The following DPYD variants were observed in gnomAD, a reference collection of about 807,000 sequenced individuals.
DPYD encodes dihydropyrimidine dehydrogenase [NADP(+)].
A neutral mutation model predicts 116.2 loss-of-function variants in DPYD; 109 were observed. That is an observed-to-expected ratio of 0.94 (90% CI 0.80 to 1.10). DPYD has a LOEUF of 1.10. Ranked by LOEUF, DPYD falls within the 50% of genes least tolerant of loss-of-function variation. The pLI is 0.00. For synonymous variants in DPYD, 440 were observed against 432.0 expected, an observed-to-expected ratio of 1.02 and a Z score of -0.23; for missense variants, 1,302 against 1,254.5, an observed-to-expected ratio of 1.04 and a Z score of -0.57.
chr1:97,432,054 G>A (rs553970646), intron 14 of DPYD, among the ~76,000 whole-genome samples: 113 of 152,078 alleles, frequency 7.4e-4, no homozygotes, highest in African/African-American at 1.6e-3. Context: ...TTCTTTCTAC[G>A]GCTGAAAAAT....
intron 6 of DPYD, among the ~76,000 whole-genome samples, chr1:97,696,681 C>A (rs985585054): frequency 1.3e-5 from 2 of 151,984 alleles, no homozygotes; most frequent in Admixed American, 6.6e-5. Context: ...TGAAAAAAAT[C>A]TTTCTTCTAT....
chr1:97,584,103 A>G (rs1179485292), intron 10 of DPYD, among the ~76,000 whole-genome samples: 1 of 152,188 alleles, frequency 6.6e-6, no homozygotes, highest in Non-Finnish European at 1.5e-5. Context: ...AATGATCGCC[A>G]TTCTAACTGG....
chr1:97,740,315 G>C (rs962470161), intron 4 of DPYD, 77 bp downstream of exon 4: 4 of 1,239,150 alleles, frequency 3.2e-6, no homozygotes, highest in South Asian at 1.2e-5. Context: ...AAGACAAGCT[G>C]TATTCTGTAC....
chr1:97,782,183 T>G (rs1010785070), intron 3 of DPYD, among the ~76,000 whole-genome samples: 2 of 152,220 alleles, frequency 1.3e-5, no homozygotes, highest in Non-Finnish European at 2.9e-5. Flanking sequence ...AATAGATACA[T>G]GATTAAACCA....
chr1:97,291,695 G>C (rs964708009), intron 18 of DPYD, among the ~76,000 whole-genome samples: 1 of 151,878 alleles, frequency 6.6e-6, no homozygotes, highest in African/African-American at 2.4e-5. Context: ...TGTGGGGTGG[G>C]GGGAGTGGGG....
chr1:97,308,635 T>C (rs556559647), intron 16 of DPYD, among the ~76,000 whole-genome samples: 24 of 151,980 alleles, frequency 1.6e-4, no homozygotes, highest in Admixed American at 3.9e-4. Context: ...TAACTATTTA[T>C]ATTTTCCTGG....
At chr1:97,116,430 C>T (rs1041414581) in intron 20 of DPYD, among the ~76,000 whole-genome samples, 11 of 152,036 alleles carry the variant, frequency 7.2e-5, no homozygotes, top group South Asian at 2.1e-4. Flanking sequence ...CCCAGAACTT[C>T]GGGGGGCCAA....
chr1:97,267,189 C>T (rs900186731), intron 18 of DPYD, among the ~76,000 whole-genome samples: 1 of 152,176 alleles, frequency 6.6e-6, no homozygotes, highest in Admixed American at 6.5e-5. Context: ...TCTCCAGCAT[C>T]TGTTGTTTCC....
rs556943016 is a variant in DPYD at position 97,390,232 on chromosome 1, A to C, written c.1906-7771T>G. On this transcript the variant is annotated intron_variant, in intron 14 of 22. Transcript: ENST00000370192. ...CAACAATTCAGCTTCAAGACAATCT[A>C]AATTTTTTAGTAGGGAAAAACTGCA... 3.9e-5 allele frequency among the ~76,000 whole-genome samples: 6 copies of C among 152,168 alleles called. No individual in the cohort carries two copies. The South Asian group carries it at 1.2e-3, about 32-fold the overall frequency.
chr1:97,428,779 CT>C (rs11382165), intron 14 of DPYD, among the ~76,000 whole-genome samples: 4 of 149,610 alleles, frequency 2.7e-5, no homozygotes, highest in South Asian at 2.1e-4. Context: ...CTTAAGTTTT[CT>C]TTTTTTTTTG....
chr1:97,700,679 C>T lies in DPYD; in HGVS notation c.484-1132G>A, dbSNP rs995319456. 2.6e-5 allele frequency among the ~76,000 whole-genome samples: 4 copies of T among 151,482 alleles called. No homozygotes were observed. The Admixed American group carries it at 2.6e-4, about 10-fold the overall frequency. ...GGGTTTTTATTTTTAAAAGTCCAAG[C>T]CTGCAAGAAAAATAAACCTAAAAAA... On this transcript the variant is annotated intron_variant, in intron 5 of 22. Transcript: ENST00000370192.
chr1:97,736,152 C>G (rs527893424), intron 4 of DPYD, among the ~76,000 whole-genome samples: 11 of 151,806 alleles, frequency 7.2e-5, no homozygotes, highest in Non-Finnish European at 1.2e-4. Flanking sequence ...TGTTTAACAT[C>G]AAAAACTAAA....
At chr1:97,133,247 A>G (rs1653471506) in intron 20 of DPYD, among the ~76,000 whole-genome samples, 1 of 152,236 alleles carries the variant, frequency 6.6e-6, no homozygotes, top group South Asian at 2.1e-4. Flanking sequence ...TATATTACAT[A>G]CATAAATTTT....
At chr1:97,365,548 T>A (rs1670986684) in intron 16 of DPYD, among the ~76,000 whole-genome samples, 1 of 152,206 alleles carries the variant, frequency 6.6e-6, no homozygotes, top group Non-Finnish European at 1.5e-5. Context: ...TATTTGAGGG[T>A]GATTTTTAAA....
chr1:97,299,527 T>C (rs1239046688), intron 18 of DPYD, among the ~76,000 whole-genome samples: 6 of 152,132 alleles, frequency 3.9e-5, no homozygotes, highest in East Asian at 1.9e-4. Flanking sequence ...TGCAGGACAA[T>C]AGTTATCTTA....
intron 8 of DPYD, among the ~76,000 whole-genome samples, chr1:97,653,051 A>T (rs1162311513): frequency 2.0e-5 from 3 of 152,098 alleles, no homozygotes. Context: ...TCCAGATTAA[A>T]GACTCAACCC....
intron 16 of DPYD, among the ~76,000 whole-genome samples, chr1:97,345,078 A>G (rs1376342009): frequency 6.6e-6 from 1 of 151,852 alleles, no homozygotes; most frequent in Non-Finnish European, 1.5e-5. Flanking sequence ...GCTGGGTTGG[A>G]TATCTTTTCA....
intron 3 of DPYD, among the ~76,000 whole-genome samples, chr1:97,744,081 T>A (rs1321846617): frequency 6.6e-6 from 1 of 152,028 alleles, no homozygotes; most frequent in Non-Finnish European, 1.5e-5. Context: ...ATAGAATACT[T>A]AATCAATGTT....
At chr1:97,565,688 A>G (rs1326906068) in intron 11 of DPYD, among the ~76,000 whole-genome samples, 1 of 152,104 alleles carries the variant, frequency 6.6e-6, no homozygotes, top group East Asian at 1.9e-4. Flanking sequence ...CTATATATGT[A>G]TTTACATGTC....
Sources: gnomAD v4.1 joint callset for allele counts (sites outside exome capture counted in the v4.1 genomes callset) on GRCh38, gnomAD v4.1.1 for gene constraint, MANE v1.5 for transcripts, NCBI Gene and HGNC (gene_info 2026-07-23, HGNC 2026-07-21) for gene names.